CRTAM: variants seen among roughly 807,000 people sequenced by gnomAD.
CRTAM encodes cytotoxic and regulatory T-cell molecule.
CRTAM carries 44 observed loss-of-function variants against 50.0 expected under a neutral mutation model. The observed-to-expected ratio is 0.88, with a 90% CI of 0.69 to 1.13. CRTAM has a LOEUF of 1.13. Among genes scored for constraint, CRTAM ranks in the 50% most tolerant of loss-of-function variants. CRTAM has a pLI of 0.00. For synonymous variants in CRTAM, 159 were observed against 169.3 expected (o/e 0.94, Z 0.47); for missense variants, 448 against 457.5 (o/e 0.98, Z 0.19).
chr11:122,867,583 C>A (rs773535114), intron 8 of CRTAM, 28 bp downstream of exon 8: 1 of 1,598,748 alleles, frequency 6.3e-7, no homozygotes, highest in Non-Finnish European at 8.5e-7. Context: ...CTGACGGGGG[C>A]TATAAGACGC....
At chr11:122,862,018 A>AG (rs973819133) in intron 5 of CRTAM, among the ~76,000 whole-genome samples, 8 of 146,808 alleles carry the variant, frequency 5.4e-5, no homozygotes, top group Admixed American at 1.4e-4. Flanking sequence ...TACAGATAAG[A>AG]GAAAAAAAAG....
rs558745795 is a variant in CRTAM, at chr11:122,866,908, G to A, written c.818-501G>A. 3.3e-5 allele frequency among the ~76,000 whole-genome samples: 5 copies of A among 152,222 alleles called. No homozygotes were observed. The South Asian group carries it at 1.0e-3, about 32-fold the overall frequency. On this transcript the variant is annotated intron_variant, in intron 7 of 9. Transcript: ENST00000227348. Reference sequence around the variant, plus strand: ...TTACAGGCATGAGCCACTGCACCTGGCTAGAAATATTTTCACAAGCTCATC... The same window carrying A: ...TTACAGGCATGAGCCACTGCACCTGACTAGAAATATTTTCACAAGCTCATC...
chr11:122,843,654 A>G (rs1861826270), intron 1 of CRTAM, among the ~76,000 whole-genome samples: 1 of 152,194 alleles, frequency 6.6e-6, no homozygotes, highest in African/African-American at 2.4e-5. Context: ...AGCAAAGAAG[A>G]TATCTCACAC....
chr11:122,851,653 A>C, intron 2 of CRTAM, 40 bp from the exon 3 acceptor site: 1 of 1,604,360 alleles, frequency 6.2e-7, no homozygotes, highest in Non-Finnish European at 8.5e-7. Context: ...GATTCATCGG[A>C]TATCTTTCCT....
chr11:122,869,261 C>T (rs907078459), intron 9 of CRTAM, among the ~76,000 whole-genome samples: 2 of 152,184 alleles, frequency 1.3e-5, no homozygotes, highest in African/African-American at 4.8e-5. Flanking sequence ...AGAAGCACGT[C>T]TTCCTCCATA....
intron 9 of CRTAM, among the ~76,000 whole-genome samples, chr11:122,869,290 T>C (rs548786397): frequency 6.6e-6 from 1 of 152,288 alleles, no homozygotes; most frequent in South Asian, 2.1e-4. Flanking sequence ...TTTGGTGTTT[T>C]TACATAGCTA....
chr11:122,869,057 CT>C (rs1156788276), intron 9 of CRTAM, among the ~76,000 whole-genome samples: 16 of 152,078 alleles, frequency 1.1e-4, no homozygotes, highest in African/African-American at 3.9e-4. Context: ...GAATCAAAAT[CT>C]GATTTTTTAG....
intron 9 of CRTAM, among the ~76,000 whole-genome samples, chr11:122,868,891 C>T (rs1392496167): frequency 6.6e-6 from 1 of 152,128 alleles, no homozygotes; most frequent in East Asian, 1.9e-4. Context: ...AGCCTGTAGT[C>T]CCAGCTACTT....
chr11:122,856,157 G>A (rs1272487974), intron 5 of CRTAM, among the ~76,000 whole-genome samples: 1 of 152,116 alleles, frequency 6.6e-6, no homozygotes, highest in African/African-American at 2.4e-5. Context: ...TGTGTTTTTG[G>A]AGTAATCATA....
intron 5 of CRTAM, among the ~76,000 whole-genome samples, chr11:122,861,597 G>A (rs1321364528): frequency 2.0e-5 from 3 of 150,626 alleles, no homozygotes; most frequent in Admixed American, 6.6e-5. Context: ...ACACCACCAC[G>A]CCCGGCTAGT....
chr11:122,839,859 AG>A (rs1861778246), intron 1 of CRTAM, among the ~76,000 whole-genome samples: 2 of 152,212 alleles, frequency 1.3e-5, no homozygotes, highest in Non-Finnish European at 2.9e-5. Flanking sequence ...TATTTTACAT[AG>A]TACTTCAATT....
At chr11:122,867,655 A>G (rs975278957) in intron 8 of CRTAM, 100 bp downstream of exon 8, 190 of 1,208,008 alleles carry the variant, frequency 1.6e-4, no homozygotes, top group Non-Finnish European at 2.1e-4. Flanking sequence ...CAGACACTAC[A>G]TAATCTATTT....
intron 5 of CRTAM, among the ~76,000 whole-genome samples, chr11:122,861,458 A>C (rs1449062478): frequency 2.1e-5 from 2 of 97,362 alleles, no homozygotes; most frequent in South Asian, 7.5e-4. Context: ...TTTGAGAGGG[A>C]GTCTCCTCGC....
intron 3 of CRTAM, among the ~76,000 whole-genome samples, chr11:122,853,222 T>G (rs1861957383): frequency 6.6e-6 from 1 of 151,700 alleles, no homozygotes; most frequent in Admixed American, 6.6e-5. Flanking sequence ...CGTGCACCAC[T>G]ATGCCCAGCT....
At position 122,850,103 on chromosome 11, in the gene CRTAM, G is replaced by A. The variant is rs774319057; in HGVS notation, c.82G>A (p.Val28Met). Residue 28 changes from valine (V) to methionine (M), a missense_variant, in exon 2 of 10, where the codon GTG becomes ATG. Val to Met is a conservative substitution (Grantham distance 21, BLOSUM62 1). Coordinates refer to ENST00000227348, the MANE Select transcript of CRTAM (RefSeq NM_019604.4). Reference sequence around the variant, plus strand: ...GACTAACCACACAGAAACCATCACCGTGGAGGAAGGCCAGACGCTCACTCT... The same window carrying A: ...GACTAACCACACAGAAACCATCACCATGGAGGAAGGCCAGACGCTCACTCT... ...SLTNHTETITVEEGQTLTLKC... is the reference protein window; with the variant it reads ...SLTNHTETITMEEGQTLTLKC... 9 of 1,612,740 alleles carry A rather than the reference G, an allele frequency of 5.6e-6. No individual in the cohort carries two copies. The highest frequency in any genetic ancestry group is 6.8e-6 in the Non-Finnish European group (8 of 1,179,250).
intron 1 of CRTAM, among the ~76,000 whole-genome samples, chr11:122,840,940 A>G (rs1240575151): frequency 6.6e-6 from 1 of 152,236 alleles, no homozygotes; most frequent in Non-Finnish European, 1.5e-5. Flanking sequence ...TACACTGTAG[A>G]CAATGAAAAT....
intron 9 of CRTAM, among the ~76,000 whole-genome samples, chr11:122,869,349 C>T (rs1862223472): frequency 6.6e-6 from 1 of 152,214 alleles, no homozygotes; most frequent in South Asian, 2.1e-4. Context: ...TCTGTATCCT[C>T]AGATTCTAGC....
At position 122,871,441 on chromosome 11, in the gene CRTAM, T is replaced by C. The variant is rs760229744; in HGVS notation, c.*42T>C. ...ACATGTGATTTCAGGGTTGCCGCAG[T>C]GTCACCTCAGTGGACCAGCCTGGGG... On this transcript the variant is annotated 3_prime_UTR_variant, in exon 10 of 10. Transcript: ENST00000227348. 3 of 1,585,970 alleles carry C rather than the reference T, an allele frequency of 1.9e-6. No homozygotes were observed. Among genetic ancestry groups the C allele is most frequent in the South Asian group, 1.2e-5 (1 of 86,332 alleles).
At chr11:122,869,348 T>G (rs1026668778) in intron 9 of CRTAM, among the ~76,000 whole-genome samples, 1 of 152,250 alleles carries the variant, frequency 6.6e-6, no homozygotes, top group Non-Finnish European at 1.5e-5. Context: ...CTCTGTATCC[T>G]CAGATTCTAG....
Sources: gnomAD v4.1 joint callset for allele counts (sites outside exome capture counted in the v4.1 genomes callset) on GRCh38, gnomAD v4.1.1 for gene constraint, MANE v1.5 for transcripts, NCBI Gene and HGNC (gene_info 2026-07-23, HGNC 2026-07-21) for gene names.